MYOM1: variants seen among roughly 807,000 people sequenced by gnomAD.
The protein encoded by MYOM1 is myomesin 1, also known as myomesin-1.
In MYOM1, 164 loss-of-function variants were observed where a neutral mutation model predicts 205.3. The observed-to-expected ratio is 0.80, with a 90% CI of 0.70 to 0.91. The LOEUF (loss-of-function observed/expected upper bound fraction) is 0.91. Ranked by LOEUF, MYOM1 falls within the 40% of genes least tolerant of loss-of-function variation. The pLI, the probability that MYOM1 is intolerant of heterozygous loss-of-function variation, is 0.00. For synonymous variants in MYOM1, 772 were observed against 789.4 expected (o/e 0.98, Z 0.37); for missense variants, 2,011 against 2,127.3 (o/e 0.95, Z 1.08).
intron 22 of MYOM1, among the ~76,000 whole-genome samples, chr18:3,111,331 A>T (rs545984374): frequency 6.9e-6 from 1 of 145,384 alleles, no homozygotes; most frequent in African/African-American, 2.6e-5. Flanking sequence ...AGAAATTATT[A>T]TGTAATGATC....
intron 21 of MYOM1, among the ~76,000 whole-genome samples, chr18:3,113,012 T>A (rs1270151549): frequency 6.6e-6 from 1 of 152,178 alleles, no homozygotes; most frequent in Non-Finnish European, 1.5e-5. Context: ...GTTTGAATAA[T>A]TTGTGAATAA....
At chr18:3,090,467 G>A (rs950423924) in intron 27 of MYOM1, among the ~76,000 whole-genome samples, 191 bp downstream of exon 27, 5 of 151,986 alleles carry the variant, frequency 3.3e-5, no homozygotes, top group African/African-American at 7.3e-5. Context: ...TGATCCACCC[G>A]CCTCGGCCTC....
rs2079938327 is a variant in MYOM1, at chr18:3,135,216, C to T, written c.2209+331G>A. The T allele has an allele frequency of 3.5e-6, 1 of 286,618 alleles. No individual in the cohort carries two copies. Among genetic ancestry groups the T allele is most frequent in the Non-Finnish European group, 6.6e-6 (1 of 151,176 alleles). The allele number at this position is 286,618 out of a possible 1,614,324, so 17.8% of individuals were successfully genotyped here. A position where few individuals can be genotyped will look rare whatever the true frequency, so the allele number is the denominator to read the frequency against. The stretch of plus-strand genomic sequence containing the variant: ...CTGCCTGCCTCGGCCTCCCAAAGTG[C>T]TCAGATTACAGACATGAGCCACCGC... On this transcript the variant is annotated intron_variant, in intron 15 of 37. Coordinates refer to ENST00000356443, the MANE Select transcript of MYOM1 (RefSeq NM_003803.4). This position sits in a 1 kb window ranked among gnomAD's most constrained non-coding sequence, Gnocchi z 4.1.
chr18:3,100,798 C>T (rs1435273416), intron 23 of MYOM1, among the ~76,000 whole-genome samples: 1 of 152,184 alleles, frequency 6.6e-6, no homozygotes, highest in Admixed American at 6.5e-5. Flanking sequence ...GGGTGCCTCT[C>T]CTATGCCATC....
At chr18:3,149,233 G>A (rs2080182089) in intron 12 of MYOM1, 32 bp from the exon 13 acceptor site, 3 of 1,583,474 alleles carry the variant, frequency 1.9e-6, no homozygotes, top group East Asian at 2.2e-5. Context: ...AATCACAAAC[G>A]TTTACAAGTG....
intron 16 of MYOM1, among the ~76,000 whole-genome samples, chr18:3,134,325 T>C (rs1043547514): frequency 2.0e-5 from 3 of 152,136 alleles, no homozygotes; most frequent in Admixed American, 1.3e-4. Flanking sequence ...GCTCAAGGGA[T>C]CCTCCCTCCT....
intron 2 of MYOM1, among the ~76,000 whole-genome samples, chr18:3,212,799 C>T (rs796524602): frequency 6.6e-6 from 1 of 152,018 alleles, no homozygotes; most frequent in Admixed American, 6.6e-5. Flanking sequence ...TTGAGGCTGT[C>T]ATATACATAT....
chr18:3,090,081 C>T (rs192607230), intron 27 of MYOM1, among the ~76,000 whole-genome samples: 2 of 152,102 alleles, frequency 1.3e-5, no homozygotes, highest in African/African-American at 4.8e-5. Flanking sequence ...AGAATTTTAG[C>T]AATAAACATT....
chr18:3,126,951 A>T (rs1295763934), intron 18 of MYOM1, 54 bp from the exon 19 acceptor site: 4 of 1,486,532 alleles, frequency 2.7e-6, no homozygotes, highest in Non-Finnish European at 3.7e-6. Context: ...ATGATTCTAT[A>T]TATAAACATT....
intron 16 of MYOM1, among the ~76,000 whole-genome samples, chr18:3,132,118 G>GTGTATA (rs369243798): frequency 0.23 from 32,633 of 143,322 alleles, 3,743 homozygotes; most frequent in Middle Eastern, 0.36. Flanking sequence ...ATATGTGTGT[G>GTGTATA]TATATATATA....
intron 20 of MYOM1, among the ~76,000 whole-genome samples, chr18:3,116,752 C>T (rs2079612815): frequency 6.6e-6 from 1 of 152,184 alleles, no homozygotes; most frequent in Non-Finnish European, 1.5e-5. Context: ...TCTGAGGTGC[C>T]TCTCAAAGGG....
intron 2 of MYOM1, among the ~76,000 whole-genome samples, chr18:3,208,922 G>T (rs11874075): frequency 0.032 from 4,923 of 152,286 alleles, 226 homozygotes; most frequent in African/African-American, 0.11. Flanking sequence ...GAGCCACTGT[G>T]CCCAGACTAT....
rs1371991160 is a variant in MYOM1, at chr18:3,114,417, G to T, written c.3303+1914C>A. On this transcript the variant is annotated intron_variant, in intron 21 of 37. Coordinates refer to ENST00000356443, the MANE Select transcript of MYOM1 (RefSeq NM_003803.4). ...TTTCGAGACAGAGTCTCGTTCTGTT[G>T]CCCGGGCTGGAGTGCAGTGGTGCAA... Among the ~76,000 whole-genome samples the T allele has an allele frequency of 2.7e-5, 4 of 146,822 alleles. No homozygotes were observed. In the East Asian group the frequency reaches 7.9e-4, roughly 29 times the overall value.
chr18:3,141,862 C>T (rs1032516757), intron 14 of MYOM1, 77 bp downstream of exon 14: 1 of 1,577,096 alleles, frequency 6.3e-7, no homozygotes, highest in Non-Finnish European at 8.7e-7. Context: ...CTCCATTGTC[C>T]CTGGGAATTT....
At chr18:3,246,433 T>G in the MYOM1 span, 1 of 152,230 alleles carries the variant, frequency 6.6e-6, no homozygotes, top group Non-Finnish European at 1.5e-5. Context: ...TTTTTATTTT[T>G]AATTAGTACC....
chr18:3,116,592 G>GT, intron 20 of MYOM1, 77 bp from the exon 21 acceptor site: 1 of 1,309,122 alleles, frequency 7.6e-7, no homozygotes, highest in Non-Finnish European at 1.0e-6. Flanking sequence ...CCACTTGTAA[G>GT]TCTTCAAGCT....
the MYOM1 span, among the ~76,000 whole-genome samples, chr18:3,235,816 C>G: frequency 6.6e-6 from 1 of 152,078 alleles, no homozygotes; most frequent in South Asian, 2.1e-4. Flanking sequence ...GTGATGGAGA[C>G]TTAAAATGGA....
At chr18:3,148,836 A>G (rs1333587199) in intron 13 of MYOM1, among the ~76,000 whole-genome samples, 4 of 116,496 alleles carry the variant, frequency 3.4e-5, no homozygotes, top group African/African-American at 7.1e-5. Flanking sequence ...ACAGAGCGAG[A>G]CTCCATCCAA....
At chr18:3,107,791 G>A (rs1250415084) in intron 22 of MYOM1, among the ~76,000 whole-genome samples, 1 of 152,192 alleles carries the variant, frequency 6.6e-6, no homozygotes, top group African/African-American at 2.4e-5. Flanking sequence ...CCTGAGCACA[G>A]GCTAAGCTAA....
Sources: gnomAD v4.1 joint callset for allele counts (sites outside exome capture counted in the v4.1 genomes callset) on GRCh38, gnomAD v4.1.1 for gene constraint, Gnocchi (gnomAD v3.1) non-coding constraint, MANE v1.5 for transcripts, NCBI Gene and HGNC (gene_info 2026-07-23, HGNC 2026-07-21) for gene names.